Variants in KANK1 observed in about 807,000 individuals in gnomAD.
The protein encoded by KANK1 is KN motif and ankyrin repeat domain-containing protein 1.
In KANK1, 109 loss-of-function variants were observed where a neutral mutation model predicts 106.2. The ratio of observed to expected loss-of-function variants is 1.03; its 90% CI spans 0.88 to 1.20. KANK1 has a LOEUF of 1.20. KANK1 is among the 50% of genes most tolerant of loss of function. KANK1 has a pLI of 0.00. For synonymous variants in KANK1, 873 were observed against 652.2 expected (o/e 1.34, Z -5.16); for missense variants, 2,399 against 1,710.7 (o/e 1.40, Z -7.10).
At chr9:631,166 T>C (rs1009228500) in intron 1 of KANK1, among the ~76,000 whole-genome samples, 1 of 152,158 alleles carries the variant, frequency 6.6e-6, no homozygotes, top group Non-Finnish European at 1.5e-5. Flanking sequence ...CTTACTCCTT[T>C]GCCTTTGAGA....
At chr9:743,734 C>T (rs897160708) in intron 10 of KANK1, among the ~76,000 whole-genome samples, 1 of 152,110 alleles carries the variant, frequency 6.6e-6, no homozygotes, top group African/African-American at 2.4e-5. Flanking sequence ...TGGTGGTATG[C>T]ACCTGTAGTC....
intron 3 of KANK1, among the ~76,000 whole-genome samples, chr9:485,170 G>C (rs2058269670): frequency 1.3e-5 from 2 of 152,184 alleles, no homozygotes; most frequent in African/African-American, 2.4e-5. Context: ...TGTCTTCAGG[G>C]AGTGGGTGTG....
chr9:551,326 G>A (rs1173611712), intron 1 of KANK1, among the ~76,000 whole-genome samples: 1 of 151,974 alleles, frequency 6.6e-6, no homozygotes, highest in East Asian at 1.9e-4. Context: ...TTTCATACCA[G>A]AGTCAATCTA....
rs745928435 is a variant in KANK1, at chr9:711,442, G to A, written c.676G>A (p.Ala226Thr). The part of the protein sequence containing the change: ...YQGNGDYGSY[A>T]PAAPTTSSMG... ...AGGTAATGGGGATTATGGTAGCTAT[G>A]CCCCAGCTGCTCCCACCACTTCCTC... Residue 226 changes from alanine to threonine, a missense_variant, in exon 3 of 12, where the codon GCC (alanine) becomes ACC (threonine). Transcript: ENST00000382297. 4 of 1,614,014 alleles carry A rather than the reference G, an allele frequency of 2.5e-6. No homozygotes were observed. The highest frequency in any genetic ancestry group is 3.4e-6 in the Non-Finnish European group (4 of 1,180,036).
At chr9:575,948 A>G (rs1352302202) in intron 1 of KANK1, among the ~76,000 whole-genome samples, 1 of 152,184 alleles carries the variant, frequency 6.6e-6, no homozygotes, top group Admixed American at 6.5e-5. Context: ...GCTTGAACCC[A>G]GTATGTGGAG....
At chr9:543,092 C>A (rs2060707297) in intron 1 of KANK1, among the ~76,000 whole-genome samples, 1 of 152,056 alleles carries the variant, frequency 6.6e-6, no homozygotes, top group South Asian at 2.1e-4. Flanking sequence ...TTCACGAGGT[C>A]TATGTACATC....
chr9:496,191 T>A (rs776033649), intron 3 of KANK1, among the ~76,000 whole-genome samples: 1 of 152,202 alleles, frequency 6.6e-6, no homozygotes, highest in Non-Finnish European at 1.5e-5. Context: ...GTAAATTGGT[T>A]CAGAGAACAC....
At chr9:611,029 T>C (rs1187381540) in intron 1 of KANK1, among the ~76,000 whole-genome samples, 1 of 152,218 alleles carries the variant, frequency 6.6e-6, no homozygotes, top group Non-Finnish European at 1.5e-5. Context: ...GTATCCTTTA[T>C]GTTGTCACTC....
chr9:630,326 G>A lies in KANK1; in HGVS notation c.-83-46564G>A, dbSNP rs555357381. Among the ~76,000 whole-genome samples, 8 of 150,786 alleles carry A rather than the reference G, an allele frequency of 5.3e-5. No individual in the cohort carries two copies. In the South Asian group the frequency reaches 1.1e-3, roughly 20 times the overall value. On this transcript the variant is annotated intron_variant, in intron 1 of 11. Transcript: ENST00000382297. ...ATCCCAGCACTTTGGAGGCTGAGGC[G>A]GATCATGAGGTTAAGAGATGGAGAC...
intron 11 of KANK1, chr9:744,844 T>C: frequency 1.4e-6 from 2 of 1,418,322 alleles, no homozygotes; most frequent in South Asian, 3.1e-5. Context: ...TTTGATTCTG[T>C]GCAGAATTAT....
intron 1 of KANK1, among the ~76,000 whole-genome samples, chr9:654,812 T>TGA (rs746133985): frequency 1.5e-5 from 2 of 134,760 alleles, no homozygotes; most frequent in African/African-American, 3.5e-5. Context: ...TGTGTGTGTG[T>TGA]GTGAGAGAGA....
chr9:732,325 C>A, intron 5 of KANK1, 53 bp from the exon 6 acceptor site: 3 of 1,558,430 alleles, frequency 1.9e-6, no homozygotes, highest in Non-Finnish European at 2.6e-6. Flanking sequence ...ATTTCTATCA[C>A]TGGGTCTTCG....
At chr9:650,956 C>A (rs1470421981) in intron 1 of KANK1, among the ~76,000 whole-genome samples, 1 of 151,910 alleles carries the variant, frequency 6.6e-6, no homozygotes, top group Non-Finnish European at 1.5e-5. Flanking sequence ...CTGCTTCTGT[C>A]AAAGGAAAAA....
chr9:526,191 A>T (rs1313326100), intron 1 of KANK1, among the ~76,000 whole-genome samples: 2 of 151,714 alleles, frequency 1.3e-5, no homozygotes, highest in African/African-American at 4.9e-5. Context: ...GTCTTCAAGG[A>T]GTGTGATCCT....
chr9:660,885 C>T (rs1313870396), intron 1 of KANK1, among the ~76,000 whole-genome samples: 2 of 152,194 alleles, frequency 1.3e-5, no homozygotes, highest in Non-Finnish European at 2.9e-5. Flanking sequence ...CCACAAAGGT[C>T]TTTTTGACCA....
intron 1 of KANK1, among the ~76,000 whole-genome samples, chr9:631,015 A>C (rs1326230552): frequency 6.6e-6 from 1 of 152,122 alleles, no homozygotes; most frequent in Admixed American, 6.5e-5. Flanking sequence ...GTTTAAGGAA[A>C]AGGCCAAGTG....
intron 1 of KANK1, among the ~76,000 whole-genome samples, chr9:560,521 G>A (rs2641982): frequency 0.95 from 145,253 of 152,296 alleles, 69,327 homozygotes; most frequent in East Asian, 1. Context: ...AGACTTTAGA[G>A]GCACAGCCAG....
intron 1 of KANK1, among the ~76,000 whole-genome samples, chr9:636,946 A>G (rs1399263853): frequency 6.6e-6 from 1 of 152,198 alleles, no homozygotes; most frequent in Non-Finnish European, 1.5e-5. Flanking sequence ...TTTTAAACCA[A>G]GCCACTTTAG....
chr9:512,867 C>G (rs1224897103), intron 1 of KANK1, among the ~76,000 whole-genome samples: 1 of 152,160 alleles, frequency 6.6e-6, no homozygotes, highest in African/African-American at 2.4e-5. Context: ...TCTCTGCCTC[C>G]TGGTTTTTAT....
Sources: gnomAD v4.1 joint callset for allele counts (sites outside exome capture counted in the v4.1 genomes callset) on GRCh38, gnomAD v4.1.1 for gene constraint, MANE v1.5 for transcripts, NCBI Gene and HGNC (gene_info 2026-07-23, HGNC 2026-07-21) for gene names.